PCDHGA3: variants seen among roughly 807,000 people sequenced by gnomAD.
PCDHGA3 encodes protocadherin gamma-A3.
Under a neutral mutation model 58.5 loss-of-function variants are expected in PCDHGA3, and 40 were observed. The ratio of observed to expected loss-of-function variants is 0.68; its 90% CI spans 0.53 to 0.89. PCDHGA3 has a LOEUF of 0.89. Ranked by LOEUF, PCDHGA3 falls within the 40% of genes least tolerant of loss-of-function variation. The pLI is 0.00. For synonymous variants in PCDHGA3, 530 were observed against 525.7 expected (o/e 1.01, Z -0.11); for missense variants, 1,223 against 1,195.9 (o/e 1.02, Z -0.33).
At chr5:141,350,827 G>A (rs763130974) in intron 1 of PCDHGA3, 4 of 1,613,880 alleles carry the variant, frequency 2.5e-6, no homozygotes, top group East Asian at 2.2e-5. Flanking sequence ...GTAAATATCC[G>A]GTATTACTGC....
rs1236669885 is a variant in PCDHGA3, at chr5:141,344,116, C to CCGGTCA, written c.84_89dup (p.Gly29_Gln30insHisGly). The CCGGTCA allele has an allele frequency of 6.2e-7, 1 of 1,613,892 alleles. No individual in the cohort carries two copies. The highest frequency in any genetic ancestry group is 8.5e-7 in the Non-Finnish European group (1 of 1,179,890). On this transcript the variant is annotated inframe_insertion, in exon 1 of 4. Coordinates refer to ENST00000253812, the MANE Select transcript of PCDHGA3 (RefSeq NM_018916.4). ...CTGGGGACGCTGTGCGAAACAGGAT[C>CCGGTCA]CGGTCAGATCCGCTACTCGGTGTCT... is the stretch of plus-strand genomic sequence containing the variant.
rs528069305 is a variant in PCDHGA3, at chr5:141,457,143, T to A, written c.2425-37664T>A. Among the ~76,000 whole-genome samples the A allele has an allele frequency of 5.3e-5, 8 of 152,334 alleles. No homozygotes were observed. In the South Asian group the frequency reaches 1.5e-3, roughly 28 times the overall value. On this transcript the variant is annotated intron_variant, in intron 1 of 3. Transcript: ENST00000253812. ...ATGGAAACTCTGTCCAATATTTCAG[T>A]TAGAAGGTGCTACCATGGATAACCC...
intron 1 of PCDHGA3, among the ~76,000 whole-genome samples, chr5:141,439,168 G>C (rs2098092980): frequency 6.6e-6 from 1 of 150,792 alleles, no homozygotes; most frequent in Non-Finnish European, 1.5e-5. Context: ...ACTCCAGCCT[G>C]GGCGACATAG....
intron 1 of PCDHGA3, among the ~76,000 whole-genome samples, chr5:141,349,607 G>C (rs1220640930): frequency 6.6e-6 from 1 of 152,068 alleles, no homozygotes; most frequent in Non-Finnish European, 1.5e-5. Context: ...TTTTTGAAAA[G>C]TATTACTGAA....
At chr5:141,462,996 G>A (rs2099050826) in intron 1 of PCDHGA3, among the ~76,000 whole-genome samples, 1 of 152,082 alleles carries the variant, frequency 6.6e-6, no homozygotes, top group South Asian at 2.1e-4. Flanking sequence ...GGCTAATTTA[G>A]ACCTACCACT....
At chr5:141,350,153 G>T in intron 1 of PCDHGA3, 1 of 978,182 alleles carries the variant, frequency 1.0e-6, no homozygotes, top group Non-Finnish European at 1.4e-6. Flanking sequence ...GTTCACCCTC[G>T]AGCGCCTAAC....
chr5:141,357,095 T>C (rs1263482275), intron 1 of PCDHGA3: 4 of 1,613,868 alleles, frequency 2.5e-6, no homozygotes, highest in Admixed American at 3.3e-5. Context: ...GCACGGGCCC[T>C]GCTGGACAGA....
chr5:141,351,324 A>T (rs1474288372), intron 1 of PCDHGA3: 1 of 1,613,722 alleles, frequency 6.2e-7, no homozygotes, highest in Non-Finnish European at 8.5e-7. Flanking sequence ...ATTCCAGAGG[A>T]TTCAGACCTT....
intron 3 of PCDHGA3, among the ~76,000 whole-genome samples, chr5:141,506,417 A>C (rs1326078146): frequency 6.8e-6 from 1 of 147,658 alleles, no homozygotes; most frequent in Non-Finnish European, 1.5e-5. Context: ...ACTGCACTCC[A>C]GCCTGGGCAA....
Position 141,507,461 on chromosome 5 carries a change from G to A in PCDHGA3, c.2572+1980G>A, listed in dbSNP as rs145114393. On this transcript the variant is annotated intron_variant, in intron 3 of 3. Coordinates refer to ENST00000253812, the MANE Select transcript of PCDHGA3 (RefSeq NM_018916.4). ...AGCTGACGGAAGGACAGAGAGAGAG[G>A]TGGCAGGGACTGCTGGCCTCCTGAG... Among the ~76,000 whole-genome samples the A allele has an allele frequency of 3.8e-3, 581 of 152,330 alleles. 5 individuals are homozygous for A. Among genetic ancestry groups the A allele is most frequent in the African/African-American group, 0.012 (485 of 41,570 alleles).
intron 1 of PCDHGA3, among the ~76,000 whole-genome samples, chr5:141,461,978 C>T (rs888687367): frequency 2.6e-5 from 4 of 152,216 alleles, no homozygotes; most frequent in African/African-American, 9.6e-5. Flanking sequence ...CATATGCCAC[C>T]ACGCCAGGCT....
chr5:141,377,011 C>T (rs911303450), intron 1 of PCDHGA3: 6 of 155,270 alleles, frequency 3.9e-5, no homozygotes, highest in Non-Finnish European at 5.7e-5. Context: ...TATTGGTTGA[C>T]AGGAAAATTC....
chr5:141,383,612 A>C (rs1387363746), intron 1 of PCDHGA3: 1 of 1,613,690 alleles, frequency 6.2e-7, no homozygotes, highest in East Asian at 2.2e-5. Flanking sequence ...GTGAATGACC[A>C]CACGCCTGTC....
At chr5:141,467,736 G>T (rs1435480730) in intron 1 of PCDHGA3, among the ~76,000 whole-genome samples, 1 of 151,902 alleles carries the variant, frequency 6.6e-6, no homozygotes, top group Admixed American at 6.6e-5. Context: ...ATCCCAGCTC[G>T]CTGCAACCTC....
chr5:141,413,051 C>T (rs1316813444), intron 1 of PCDHGA3: 1 of 952,822 alleles, frequency 1.0e-6, no homozygotes, highest in African/African-American at 1.7e-5. Context: ...TGCAGGGAAG[C>T]TCACTCCAGA....
At chr5:141,443,683 A>C (rs1358937790) in intron 1 of PCDHGA3, among the ~76,000 whole-genome samples, 1 of 152,248 alleles carries the variant, frequency 6.6e-6, no homozygotes, top group Admixed American at 6.5e-5. Flanking sequence ...GTTTACAAAC[A>C]CTTCAAAAAT....
Position 141,344,165 on chromosome 5 carries a change from C to G in PCDHGA3, c.132C>G (p.Phe44Leu). ...SVSEELDKGS[F>L]VGNIANDLGL... ...CTGAGGAGCTAGATAAAGGTTCCTTCGTGGGCAACATCGCTAACGACCTGG... is the reference window on the plus strand; with the variant it reads ...CTGAGGAGCTAGATAAAGGTTCCTTGGTGGGCAACATCGCTAACGACCTGG... Residue 44 changes from phenylalanine to leucine, a missense_variant, in exon 1 of 4, where the codon TTC becomes TTG. Coordinates refer to ENST00000253812, the MANE Select transcript of PCDHGA3 (RefSeq NM_018916.4). The G allele has an allele frequency of 1.2e-6, 2 of 1,614,030 alleles. No individual in the cohort carries two copies. The highest frequency in any genetic ancestry group is 1.7e-6 in the Non-Finnish European group (2 of 1,179,902).
intron 1 of PCDHGA3, among the ~76,000 whole-genome samples, chr5:141,462,493 A>G (rs1432919197): frequency 2.0e-5 from 3 of 152,144 alleles, no homozygotes; most frequent in South Asian, 4.1e-4. Context: ...GTTGTATCCT[A>G]TAATTGTCAA....
At position 141,413,888 on chromosome 5, in the gene PCDHGA3, A is replaced by G. The variant is rs777389288; in HGVS notation, c.2424+67431A>G. On this transcript the variant is annotated intron_variant, in intron 1 of 3. Transcript: ENST00000253812. Reference sequence around the variant, plus strand: ...GTCCTTGTCAGTGTGACTGTCTTCGATGCAAATGACAACGCGCCGGTCTTC... The same window carrying G: ...GTCCTTGTCAGTGTGACTGTCTTCGGTGCAAATGACAACGCGCCGGTCTTC... The G allele has an allele frequency of 2.5e-5, 40 of 1,613,256 alleles. No individual in the cohort carries two copies. Among genetic ancestry groups the G allele is most frequent in the Non-Finnish European group, 3.4e-5 (40 of 1,179,886 alleles).
Sources: gnomAD v4.1 joint callset for allele counts (sites outside exome capture counted in the v4.1 genomes callset) on GRCh38, gnomAD v4.1.1 for gene constraint, MANE v1.5 for transcripts, NCBI Gene and HGNC (gene_info 2026-07-23, HGNC 2026-07-21) for gene names.